Variants in TRPM1 observed in about 807,000 individuals in gnomAD.
The protein encoded by TRPM1 is transient receptor potential cation channel subfamily M member 1.
In TRPM1, 113 loss-of-function variants were observed where a neutral mutation model predicts 149.4. The ratio of observed to expected loss-of-function variants is 0.76; its 90% CI spans 0.65 to 0.88. TRPM1 has a LOEUF of 0.88. TRPM1 is among the 40% of genes least tolerant of loss of function. The probability of loss-of-function intolerance (pLI) is 0.00; values close to 1 mark genes in which losing one functional copy is unlikely to be tolerated. For missense variants in TRPM1, 1,976 were observed against 2,038.7 expected, an observed-to-expected ratio of 0.97 and a Z score of 0.59; for synonymous variants, 741 against 759.5, an observed-to-expected ratio of 0.98 and a Z score of 0.40.
chr15:31,099,901 G>A (rs866022194), intron 1 of TRPM1, among the ~76,000 whole-genome samples: 3 of 152,054 alleles, frequency 2.0e-5, no homozygotes, highest in Admixed American at 1.3e-4. Flanking sequence ...AATCAGTCCC[G>A]TATTCATCAA....
At chr15:31,020,417 G>GT (rs2032514714) in intron 27 of TRPM1, among the ~76,000 whole-genome samples, 1 of 152,244 alleles carries the variant, frequency 6.6e-6, no homozygotes, top group Admixed American at 6.5e-5. Flanking sequence ...CATCCATGCC[G>GT]TATGTACAGT....
chr15:31,115,814 G>C (rs1596082215), intron 1 of TRPM1, among the ~76,000 whole-genome samples: 1 of 151,834 alleles, frequency 6.6e-6, no homozygotes, highest in Non-Finnish European at 1.5e-5. Context: ...AATGTCATAA[G>C]CTGCCTGGCT....
intron 21 of TRPM1, 121 bp downstream of exon 21, chr15:31,035,425 C>T (rs1376878397): frequency 1.4e-6 from 2 of 1,414,874 alleles, no homozygotes; most frequent in African/African-American, 1.4e-5. Context: ...GGATTACAGG[C>T]ATGAGCCACC....
chr15:31,060,166 G>C, intron 11 of TRPM1: 1 of 328,280 alleles, frequency 3.0e-6, no homozygotes, highest in Non-Finnish European at 5.8e-6. Context: ...CACACACAGA[G>C]TTCTCTAGGC....
At chr15:31,112,055 G>T (rs570988038) in intron 1 of TRPM1, among the ~76,000 whole-genome samples, 23 of 152,312 alleles carry the variant, frequency 1.5e-4, no homozygotes, top group African/African-American at 5.1e-4. Context: ...ACAGGCCAAG[G>T]CAAGGCTGCT....
chr15:31,002,931 C>T lies in TRPM1; in HGVS notation c.3769G>A (p.Ala1257Thr), dbSNP rs779553898. 3.1e-6 allele frequency: 5 copies of T among 1,602,456 alleles called. No individual in the cohort carries two copies. In the South Asian group the frequency reaches 5.6e-5, roughly 18 times the overall value. Residue 1257 changes from alanine (A) to threonine (T), a missense_variant, in exon 28 of 28, where the codon GCG becomes ACG. By Grantham distance (58) the Ala-to-Thr change is moderately conservative. Transcript: ENST00000256552. ...NRMVNALENLAGIDRSDLIQA... is the reference protein window; with the variant it reads ...NRMVNALENLTGIDRSDLIQA... ...ATCAGGTCAGACCTGTCGATTCCCG[C>T]AAGATTTTCAAGAGCATTCACCATT...
chr15:31,088,932 G>A (rs1007670656), intron 1 of TRPM1, among the ~76,000 whole-genome samples: 6 of 152,284 alleles, frequency 3.9e-5, no homozygotes, highest in Middle Eastern at 3.4e-3. Context: ...AGAATTGCGT[G>A]GAAGCTGCTG....
At chr15:31,094,985 G>A (rs962749141) in intron 1 of TRPM1, among the ~76,000 whole-genome samples, 2 of 152,208 alleles carry the variant, frequency 1.3e-5, no homozygotes, top group South Asian at 2.1e-4. Context: ...TGGATAGATG[G>A]ATAAACAAAT....
intron 27 of TRPM1, among the ~76,000 whole-genome samples, chr15:31,007,644 GCAGCGCAGCAACAA>G (rs1164870942): frequency 3.6e-5 from 2 of 55,220 alleles, no homozygotes; most frequent in African/African-American, 1.1e-4. Context: ...TATAACAACA[GCAGCGCAGCAACAA>G]CAACAACAAC....
intron 27 of TRPM1, among the ~76,000 whole-genome samples, chr15:31,013,625 A>G (rs2032260706): frequency 6.6e-6 from 1 of 152,084 alleles, no homozygotes; most frequent in Non-Finnish European, 1.5e-5. Flanking sequence ...TTTTTATTTA[A>G]AAGTGGACAT....
At position 31,001,977 on chromosome 15, in the gene TRPM1, A is replaced by C; in HGVS notation, c.4723T>G (p.Leu1575Val). 6.2e-7 allele frequency: 1 copy of C among 1,614,134 alleles called. No homozygotes were observed. The highest frequency in any genetic ancestry group is 1.3e-5 in the African/African-American group (1 of 75,010). The change falls in exon 28 of 28, where the codon TTA (leucine) becomes GTA (valine). Residue 1575 changes from leucine (L) to valine (V), a missense_variant. Coordinates refer to ENST00000256552, the MANE Select transcript of TRPM1 (RefSeq NM_001252024.2). The part of the protein sequence containing the change: ...LGFPSLRSKS[L>V]HGHPRNVKSI... ...TTCACATTCCTAGGATGTCCATGTAAACTTTTTGACCTGAGAGATGGGAAT... is the reference window on the plus strand; with the variant it reads ...TTCACATTCCTAGGATGTCCATGTACACTTTTTGACCTGAGAGATGGGAAT...
At chr15:31,160,652 G>A (rs1036088554) in intron 1 of TRPM1, among the ~76,000 whole-genome samples, 1 of 152,212 alleles carries the variant, frequency 6.6e-6, no homozygotes, top group Non-Finnish European at 1.5e-5. Context: ...ACGCCTCCCG[G>A]GTTTGCCACA....
chr15:31,132,082 G>A (rs1236355171), intron 1 of TRPM1, among the ~76,000 whole-genome samples: 2 of 152,178 alleles, frequency 1.3e-5, no homozygotes, highest in Non-Finnish European at 2.9e-5. Flanking sequence ...CAGCTGTTAC[G>A]CCGTGTTCTG....
chr15:31,039,525 T>C (rs1385579333), intron 18 of TRPM1, among the ~76,000 whole-genome samples: 1 of 152,204 alleles, frequency 6.6e-6, no homozygotes, highest in Non-Finnish European at 1.5e-5. Flanking sequence ...TGCTAGGTTA[T>C]CTGCAGATTA....
At chr15:31,073,074 A>C (rs1459658808) in intron 3 of TRPM1, among the ~76,000 whole-genome samples, 1 of 152,090 alleles carries the variant, frequency 6.6e-6, no homozygotes, top group Non-Finnish European at 1.5e-5. Flanking sequence ...ATATCTCAGA[A>C]TCATTTGCCA....
Position 31,076,040 on chromosome 15 carries a change from C to T in TRPM1, c.83+865G>A, listed in dbSNP as rs116984763. On this transcript the variant is annotated intron_variant, in intron 3 of 27. Coordinates refer to ENST00000256552, the MANE Select transcript of TRPM1 (RefSeq NM_001252024.2). ...GAGAGTTCCCAGGATGGCCTATGTG[C>T]CATTGAAATAAGAAGGGACATGTAG... Among the ~76,000 whole-genome samples the T allele has an allele frequency of 3.7e-3, 564 of 152,118 alleles. 3 individuals carry two copies. The highest frequency in any genetic ancestry group is 5.1e-3 in the Non-Finnish European group (345 of 67,990).
At chr15:31,035,387 C>T (rs577389601) in intron 21 of TRPM1, among the ~76,000 whole-genome samples, 159 bp downstream of exon 21, 58 of 152,212 alleles carry the variant, frequency 3.8e-4, no homozygotes, top group Non-Finnish European at 6.9e-4. Context: ...CTCAAGTGAT[C>T]CATCCGCCTC....
Position 31,060,656 on chromosome 15 carries a change from A to G in TRPM1, c.1163-12T>C. The G allele has an allele frequency of 1.2e-6, 2 of 1,612,512 alleles. No homozygotes were observed. Among genetic ancestry groups the G allele is most frequent in the Non-Finnish European group, 1.7e-6 (2 of 1,178,708 alleles). On this transcript the variant is annotated splice_polypyrimidine_tract_variant and intron_variant, in intron 10 of 27. Coordinates refer to ENST00000256552, the MANE Select transcript of TRPM1 (RefSeq NM_001252024.2). ...AGATACGTTTGTTCCTGGAAAGGCAAGAAACCGGAATGATTTTTCACTCCA... is the reference window on the plus strand; with the variant it reads ...AGATACGTTTGTTCCTGGAAAGGCAGGAAACCGGAATGATTTTTCACTCCA...
chr15:31,135,433 A>G (rs994804805), intron 1 of TRPM1, among the ~76,000 whole-genome samples: 2 of 152,144 alleles, frequency 1.3e-5, no homozygotes, highest in Non-Finnish European at 2.9e-5. Context: ...AAATAAATAA[A>G]ATTTTTAAAT....
Sources: allele counts gnomAD v4.1 joint callset (sites outside exome capture counted in the v4.1 genomes callset), GRCh38; gene constraint gnomAD v4.1.1; transcripts MANE v1.5; gene names NCBI Gene and HGNC (gene_info 2026-07-23, HGNC 2026-07-21).